Variants in MYH14 observed in about 807,000 individuals in gnomAD.
MYH14 encodes myosin-14.
MYH14 carries 123 observed loss-of-function variants against 255.5 expected under a neutral mutation model. That is an observed-to-expected ratio of 0.48 (90% CI 0.42 to 0.56). MYH14 has a LOEUF of 0.56. MYH14 is among the 20% of genes least tolerant of loss of function. MYH14 has a pLI of 0.00. For synonymous variants in MYH14, 1,095 were observed against 1,161.2 expected, an observed-to-expected ratio of 0.94 and a Z score of 1.16; for missense variants, 2,423 against 2,802.3, an observed-to-expected ratio of 0.86 and a Z score of 3.06.
At chr19:50,304,693 C>T (rs1017272973) in intron 40 of MYH14, among the ~76,000 whole-genome samples, 1 of 152,152 alleles carries the variant, frequency 6.6e-6, no homozygotes, top group Non-Finnish European at 1.5e-5. Context: ...ATGTCTAATA[C>T]CATGTCTGGT....
intron 8 of MYH14, among the ~76,000 whole-genome samples, chr19:50,229,364 T>C (rs542181453): frequency 1.1e-4 from 17 of 152,230 alleles, no homozygotes; most frequent in South Asian, 2.1e-4. Context: ...CTAAGATGTT[T>C]TGGCTGGGCG....
intron 3 of MYH14, 118 bp from the exon 4 acceptor site, chr19:50,222,965 C>G (rs1212700130): frequency 9.7e-7 from 1 of 1,031,258 alleles, no homozygotes; most frequent in Non-Finnish European, 1.5e-6. Flanking sequence ...CATCAAGACC[C>G]AAGCTTTTCC....
chr19:50,303,508 C>T (rs929960669), intron 40 of MYH14, among the ~76,000 whole-genome samples: 2 of 152,166 alleles, frequency 1.3e-5, no homozygotes, highest in African/African-American at 2.4e-5. Context: ...GCAAGTCACT[C>T]AGCCCGCTCA....
chr19:50,240,672 C>T (rs1408229218), intron 10 of MYH14, among the ~76,000 whole-genome samples: 1 of 151,050 alleles, frequency 6.6e-6, no homozygotes, highest in Non-Finnish European at 1.5e-5. Context: ...CACAGTGGCT[C>T]ATGCCTGTAA....
intron 2 of MYH14, among the ~76,000 whole-genome samples, chr19:50,216,079 G>C (rs1359436072): frequency 6.6e-6 from 1 of 152,234 alleles, no homozygotes; most frequent in Admixed American, 6.5e-5. Flanking sequence ...GTTTAGCTAA[G>C]TGGCTAACTA....
At chr19:50,298,418 G>GCACA (rs1406592499) in intron 39 of MYH14, among the ~76,000 whole-genome samples, 15 of 111,920 alleles carry the variant, frequency 1.3e-4, no homozygotes, top group African/African-American at 2.6e-4. Context: ...ACACACACAT[G>GCACA]CACACATGAA....
intron 6 of MYH14, chr19:50,224,960 G>A (rs2033021945): frequency 2.5e-6 from 1 of 404,824 alleles, no homozygotes; most frequent in Non-Finnish European, 5.0e-6. Context: ...TTAAAAAGTA[G>A]CTGGGCATGG....
In MYH14 at chr19:50,276,176, A is replaced by C. The variant is rs773351168; in HGVS notation, c.3653A>C (p.Asp1218Ala). The C allele has an allele frequency of 6.4e-7, 1 of 1,551,852 alleles. No individual in the cohort carries two copies. The highest frequency in any genetic ancestry group is 8.7e-7 in the Non-Finnish European group (1 of 1,149,192). Residue 1218 changes from aspartate to alanine, a missense_variant, in exon 28 of 43, where the codon GAC (aspartate) becomes GCC (alanine). By Grantham distance (126) the Asp-to-Ala change is moderately radical (BLOSUM62 -2). Transcript: ENST00000642316. The surrounding 1 kb of genome is among the most constrained non-coding windows in gnomAD (Gnocchi z 4.3). ...ALRGELEDTL[D>A]STNAQQELRS... ...CGGGGCGAGCTGGAGGACACGCTGG[A>C]CTCCACCAACGCACAGCAGGAGCTC... is the stretch of plus-strand genomic sequence containing the variant.
intron 25 of MYH14, 24 bp from the exon 26 acceptor site, chr19:50,271,825 C>A (rs199756837): frequency 1.2e-6 from 2 of 1,612,174 alleles, no homozygotes; most frequent in Non-Finnish European, 1.7e-6. Context: ...TCCTGACTGC[C>A]CCCCATCCCA....
chr19:50,300,760 TA>T (rs1466350484), intron 39 of MYH14, among the ~76,000 whole-genome samples: 1 of 151,874 alleles, frequency 6.6e-6, no homozygotes, highest in Non-Finnish European at 1.5e-5. Flanking sequence ...AAATAAATAA[TA>T]AAATAAAATA....
chr19:50,251,664 G>A (rs1304339509), intron 15 of MYH14, among the ~76,000 whole-genome samples: 1 of 151,610 alleles, frequency 6.6e-6, no homozygotes, highest in Non-Finnish European at 1.5e-5. Context: ...TGCAATCTCC[G>A]CCTCCTAGGT....
rs1421577105 is a variant in MYH14, at chr19:50,278,125, G to A, written c.3868G>A (p.Glu1290Lys). The change falls in exon 30 of 43, where the codon GAG (glutamate) becomes AAG (lysine). Residue 1290 changes from glutamate (E) to lysine (K), a missense_variant. Coordinates refer to ENST00000642316, the MANE Select transcript of MYH14 (RefSeq NM_001145809.2). ...GAAGACCCGGCTGGCCCTGGAGGCC[G>A]AGGTGTCCGAGCTGCGGGCAGAACT... ...WEKTRLALEA[E>K]VSELRAELSS... The A allele has an allele frequency of 9.4e-6, 15 of 1,601,154 alleles. No homozygotes were observed. Among genetic ancestry groups the A allele is most frequent in the Non-Finnish European group, 1.2e-5 (14 of 1,170,180 alleles).
intron 3 of MYH14, among the ~76,000 whole-genome samples, chr19:50,222,089 T>C (rs2032852104): frequency 6.6e-6 from 1 of 152,124 alleles, no homozygotes; most frequent in Non-Finnish European, 1.5e-5. Context: ...TCAGTGCCCA[T>C]GGAGCTCTCC....
intron 16 of MYH14, 42 bp from the exon 17 acceptor site, chr19:50,255,178 A>G (rs545428865): frequency 1.5e-6 from 2 of 1,319,322 alleles, no homozygotes; most frequent in African/African-American, 2.9e-5. Flanking sequence ...TCTCTCTGCC[A>G]TCTCCCCTCC....
intron 24 of MYH14, among the ~76,000 whole-genome samples, chr19:50,270,521 CAA>C (rs200748159): frequency 1.9e-4 from 10 of 52,890 alleles, no homozygotes; most frequent in East Asian, 4.0e-4. Context: ...AACTCCGTCT[CAA>C]AAAAAAAAAA....
intron 27 of MYH14, among the ~76,000 whole-genome samples, chr19:50,273,744 C>T (rs2035404971): frequency 1.3e-5 from 2 of 151,910 alleles, no homozygotes; most frequent in African/African-American, 4.8e-5. Context: ...CAGGTTCAAG[C>T]AATTCTTGTA....
chr19:50,204,906 T>G (rs1330514452), intron 1 of MYH14, among the ~76,000 whole-genome samples: 3 of 151,636 alleles, frequency 2.0e-5, no homozygotes, highest in African/African-American at 7.3e-5. Context: ...CCCTCTTTTT[T>G]TTTTTTTAAA....
rs2034348877 is a variant in MYH14 at position 50,250,973 on chromosome 19, G to C, written c.1830+285G>C. On this transcript the variant is annotated intron_variant, in intron 15 of 42. Transcript: ENST00000642316. This position sits in a 1 kb window ranked among gnomAD's most constrained non-coding sequence, Gnocchi z 5.4. ...TCCACTTATTCAGCAGATATGTGCG[G>C]GGTGCCATTTGTGTGCCCAGCTCGG... 6.6e-6 allele frequency among the ~76,000 whole-genome samples: 1 copy of C among 152,190 alleles called. No homozygotes were observed. Among genetic ancestry groups the C allele is most frequent in the Non-Finnish European group, 1.5e-5 (1 of 68,036 alleles).
Position 50,286,559 on chromosome 19 carries a change from T to G in MYH14, c.4617T>G (p.Arg1539=), listed in dbSNP as rs375866139. 1.3e-4 allele frequency: 214 copies of G among 1,611,776 alleles called. 1 individual carries two copies. In the African/African-American group the frequency reaches 2.6e-3, roughly 20 times the overall value. The change falls in exon 34 of 43, where the codon CGT becomes CGG. Residue 1539 remains arginine, a synonymous_variant. Transcript: ENST00000642316. ...RERAEAEGRE[R]EARALSLTRA... ...GGGCCGAGGCAGAGGGCCGGGAGCG[T>G]GAGGCTCGGGCCCTGTCACTGACAC...
Sources: allele counts gnomAD v4.1 joint callset (sites outside exome capture counted in the v4.1 genomes callset), GRCh38; gene constraint gnomAD v4.1.1; non-coding constraint Gnocchi (gnomAD v3.1); transcripts MANE v1.5; gene names NCBI Gene and HGNC (gene_info 2026-07-23, HGNC 2026-07-21).